The following EPHA5 variants were observed in gnomAD, a reference collection of about 807,000 sequenced individuals.
The protein encoded by EPHA5 is EPH receptor A5.
In EPHA5, 60 loss-of-function variants were observed where a neutral mutation model predicts 105.0. The observed-to-expected ratio is 0.57, with a 90% CI of 0.46 to 0.71. EPHA5 has a LOEUF of 0.71. Ranked by LOEUF, EPHA5 falls within the 30% of genes least tolerant of loss-of-function variation. EPHA5 has a pLI of 0.00. For missense variants in EPHA5, 1,218 were observed against 1,274.7 expected, an observed-to-expected ratio of 0.96 and a Z score of 0.68; for synonymous variants, 513 against 449.1, an observed-to-expected ratio of 1.14 and a Z score of -1.80.
At chr4:65,544,835 C>G (rs1399725771) in intron 3 of EPHA5, among the ~76,000 whole-genome samples, 1 of 151,772 alleles carries the variant, frequency 6.6e-6, no homozygotes, top group Non-Finnish European at 1.5e-5. Flanking sequence ...AAATGCCCAT[C>G]ATTCATAGAC....
chr4:65,348,918 T>C (rs1426053391), intron 13 of EPHA5, among the ~76,000 whole-genome samples: 5 of 145,124 alleles, frequency 3.4e-5, no homozygotes, highest in African/African-American at 1.3e-4. Flanking sequence ...CAGGTTCAAG[T>C]GATTCTCATA....
intron 8 of EPHA5, among the ~76,000 whole-genome samples, chr4:65,370,770 T>C (rs1718383412): frequency 6.6e-6 from 1 of 152,134 alleles, no homozygotes; most frequent in Non-Finnish European, 1.5e-5. Context: ...AAAGGAGTTA[T>C]TTTTGACTAT....
chr4:65,568,448 A>G (rs1399730126), intron 3 of EPHA5, among the ~76,000 whole-genome samples: 3 of 151,440 alleles, frequency 2.0e-5, no homozygotes, highest in African/African-American at 7.2e-5. Context: ...AAATAATCAT[A>G]TATTTGGACT....
intron 5 of EPHA5, among the ~76,000 whole-genome samples, chr4:65,441,217 A>G (rs903500804): frequency 6.6e-6 from 1 of 152,026 alleles, no homozygotes; most frequent in Non-Finnish European, 1.5e-5. Flanking sequence ...TTGGTGATAT[A>G]AAGTAATTAA....
At chr4:65,503,047 A>G (rs1450013687) in intron 3 of EPHA5, among the ~76,000 whole-genome samples, 1 of 151,778 alleles carries the variant, frequency 6.6e-6, no homozygotes, top group Non-Finnish European at 1.5e-5. Context: ...CTCACTTATA[A>G]GTGGGAGCTA....
chr4:65,445,869 A>G (rs2149095744), intron 5 of EPHA5, among the ~76,000 whole-genome samples: 1 of 152,290 alleles, frequency 6.6e-6, no homozygotes, highest in South Asian at 2.1e-4. Context: ...AGGAATAGAA[A>G]TATTACCAAT....
chr4:65,563,374 T>C (rs1200040030), intron 3 of EPHA5, among the ~76,000 whole-genome samples: 3 of 152,044 alleles, frequency 2.0e-5, no homozygotes, highest in Non-Finnish European at 4.4e-5. Flanking sequence ...TCGAAATTAT[T>C]TAGAGAAGCA....
intron 5 of EPHA5, among the ~76,000 whole-genome samples, chr4:65,441,899 T>C (rs1726050840): frequency 5.3e-5 from 8 of 152,160 alleles, no homozygotes; most frequent in Admixed American, 5.2e-4. Context: ...AGTGCATGCC[T>C]ATAATCTTTT....
chr4:65,494,573 C>T (rs536488359), intron 4 of EPHA5, among the ~76,000 whole-genome samples: 2 of 152,266 alleles, frequency 1.3e-5, no homozygotes, highest in East Asian at 1.9e-4. Flanking sequence ...GTGTTACATT[C>T]TCAGAAATAT....
chr4:65,487,058 T>C (rs1006055318), intron 5 of EPHA5, among the ~76,000 whole-genome samples: 1 of 152,218 alleles, frequency 6.6e-6, no homozygotes, highest in African/African-American at 2.4e-5. Flanking sequence ...CCTTCTGCCA[T>C]AATTGGAAGC....
rs534637973 is a variant in EPHA5, at chr4:65,351,746, G to C, written c.2236-148C>G. The C allele has an allele frequency of 4.3e-6, 3 of 691,206 alleles. No individual in the cohort carries two copies. The African/African-American group carries it at 5.4e-5, about 12-fold the overall frequency. The allele number at this position is 691,206 out of a possible 1,614,324, so 42.8% of individuals were successfully genotyped here. A position where few individuals can be genotyped will look rare whatever the true frequency, so the allele number is the denominator to read the frequency against. ...TCTGAAGGAGATTGGAAAATGGTAG[G>C]AAGTATATGGCTAACTTGGTGACAT... On this transcript the variant is annotated intron_variant, in intron 12 of 16. Coordinates refer to ENST00000613740, the MANE Select transcript of EPHA5 (RefSeq NM_001281766.3).
intron 16 of EPHA5, among the ~76,000 whole-genome samples, chr4:65,324,742 CTTT>C (rs368440921): frequency 0.011 from 1,453 of 131,336 alleles, 30 homozygotes; most frequent in African/African-American, 0.038. Flanking sequence ...CAATGTTTTA[CTTT>C]TTTTTTTTTT....
intron 5 of EPHA5, among the ~76,000 whole-genome samples, chr4:65,484,314 G>T (rs372448397): frequency 1.3e-5 from 2 of 152,116 alleles, no homozygotes; most frequent in African/African-American, 4.8e-5. Context: ...TATTTTATGA[G>T]ACACCATGCT....
chr4:65,574,629 C>CATAT (rs772588302), intron 3 of EPHA5, among the ~76,000 whole-genome samples: 1 of 78,674 alleles, frequency 1.3e-5, no homozygotes, highest in Non-Finnish European at 2.9e-5. Flanking sequence ...TATATATACA[C>CATAT]ATATATATAT....
chr4:65,520,635 A>C (rs1479120449), intron 3 of EPHA5, among the ~76,000 whole-genome samples: 2 of 152,216 alleles, frequency 1.3e-5, no homozygotes, highest in African/African-American at 2.4e-5. Context: ...TCATCTGAGA[A>C]AGGACTAATA....
At chr4:65,444,478 G>A (rs1052671120) in intron 5 of EPHA5, among the ~76,000 whole-genome samples, 1 of 152,106 alleles carries the variant, frequency 6.6e-6, no homozygotes, top group African/African-American at 2.4e-5. Flanking sequence ...TACACTGATA[G>A]AAGAATTTTT....
In EPHA5 at chr4:65,321,594, T is replaced by C; in HGVS notation, c.*2520A>G. 4.4e-6 allele frequency: 1 copy of C among 229,392 alleles called. No individual in the cohort carries two copies. The highest frequency in any genetic ancestry group is 2.2e-5 in the African/African-American group (1 of 45,226). The allele number at this position is 229,392 out of a possible 1,614,324, so 14.2% of individuals were successfully genotyped here. A position where few individuals can be genotyped will look rare whatever the true frequency, so the allele number is the denominator to read the frequency against. On this transcript the variant is annotated 3_prime_UTR_variant, in exon 17 of 17. Coordinates refer to ENST00000613740, the MANE Select transcript of EPHA5 (RefSeq NM_001281766.3). ...CAAATTGAGATGCAAAAGAAAACTA[T>C]GTGGCTATTTAACTTTCCTTTCAAT...
intron 5 of EPHA5, among the ~76,000 whole-genome samples, chr4:65,444,510 T>TAC (rs1726328932): frequency 6.6e-6 from 1 of 152,176 alleles, no homozygotes; most frequent in Non-Finnish European, 1.5e-5. Context: ...CTTGTATATA[T>TAC]ACCTTGTCTG....
At position 65,619,862 on chromosome 4, in the gene EPHA5, C is replaced by T. The variant is rs1745557434; in HGVS notation, c.247-17558G>A. On this transcript the variant is annotated intron_variant, in intron 2 of 16. Coordinates refer to ENST00000613740, the MANE Select transcript of EPHA5 (RefSeq NM_001281766.3). Reference sequence around the variant, plus strand: ...TAAAATCTACTGTTTTTCTCTTTTTCCTTATATTTCTTTCTAAAACACTCA... The same window carrying T: ...TAAAATCTACTGTTTTTCTCTTTTTTCTTATATTTCTTTCTAAAACACTCA... 2.0e-5 allele frequency among the ~76,000 whole-genome samples: 3 copies of T among 151,386 alleles called. No homozygotes were observed. The South Asian group carries it at 6.2e-4, about 31-fold the overall frequency.
Sources: allele counts gnomAD v4.1 joint callset (sites outside exome capture counted in the v4.1 genomes callset), GRCh38; gene constraint gnomAD v4.1.1; transcripts MANE v1.5; gene names NCBI Gene and HGNC (gene_info 2026-07-23, HGNC 2026-07-21).